Variants in ATRNL1 observed in about 807,000 individuals in gnomAD.
The protein encoded by ATRNL1 is attractin-like protein 1.
Under a neutral mutation model 182.7 loss-of-function variants are expected in ATRNL1, and 95 were observed. The observed-to-expected ratio is 0.52, with a 90% CI of 0.44 to 0.62. The LOEUF is 0.62. ATRNL1 is among the 20% of genes least tolerant of loss of function. ATRNL1 has a pLI of 0.00. For synonymous variants in ATRNL1, 576 were observed against 568.3 expected (o/e 1.01, Z -0.19); for missense variants, 1,471 against 1,679.5 (o/e 0.88, Z 2.17).
chr10:115,310,067 G>A (rs1012268191), intron 17 of ATRNL1, among the ~76,000 whole-genome samples: 1 of 152,032 alleles, frequency 6.6e-6, no homozygotes, highest in Admixed American at 6.6e-5. Flanking sequence ...ATAAAGATAT[G>A]CTGGATTTTA....
At chr10:115,364,753 C>G (rs1453223081) in intron 19 of ATRNL1, among the ~76,000 whole-genome samples, 10 of 151,802 alleles carry the variant, frequency 6.6e-5, no homozygotes, top group Admixed American at 6.6e-5. Flanking sequence ...TTGTCAAAGG[C>G]TTTTTCTGCA....
chr10:115,612,496 G>A (rs2133780353), intron 26 of ATRNL1, among the ~76,000 whole-genome samples: 1 of 152,312 alleles, frequency 6.6e-6, no homozygotes, highest in Non-Finnish European at 1.5e-5. Flanking sequence ...TAGCCAAGGA[G>A]TTTGAGACAA....
intron 8 of ATRNL1, among the ~76,000 whole-genome samples, chr10:115,207,429 C>G (rs1442663799): frequency 6.6e-6 from 1 of 152,098 alleles, no homozygotes; most frequent in East Asian, 1.9e-4. Context: ...TTGCACTTCT[C>G]TGATGACCAG....
intron 28 of ATRNL1, among the ~76,000 whole-genome samples, chr10:115,849,420 T>C (rs1264125488): frequency 3.3e-5 from 5 of 152,172 alleles, no homozygotes; most frequent in Non-Finnish European, 7.3e-5. Context: ...CTGTGTGATA[T>C]ACACCAAGGT....
chr10:115,850,357 T>G (rs1394027951), intron 28 of ATRNL1, among the ~76,000 whole-genome samples: 1 of 152,134 alleles, frequency 6.6e-6, no homozygotes, highest in Non-Finnish European at 1.5e-5. Context: ...AGAGAAAAAT[T>G]TTTCCAATAT....
intron 19 of ATRNL1, among the ~76,000 whole-genome samples, chr10:115,341,700 GGGT>G (rs1554938383): frequency 6.6e-6 from 1 of 151,958 alleles, no homozygotes; most frequent in African/African-American, 2.4e-5. Context: ...CTTCATTGTT[GGGT>G]GTATACATAT....
At chr10:115,218,959 G>T (rs1592275560) in intron 9 of ATRNL1, among the ~76,000 whole-genome samples, 1 of 152,108 alleles carries the variant, frequency 6.6e-6, no homozygotes, top group African/African-American at 2.4e-5. Context: ...ACATGCGGCC[G>T]GGTACAGTGG....
At chr10:115,936,793 G>A (rs1953574219) in intron 28 of ATRNL1, among the ~76,000 whole-genome samples, 1 of 152,056 alleles carries the variant, frequency 6.6e-6, no homozygotes, top group Admixed American at 6.6e-5. Context: ...GGATTGTCAA[G>A]TATCAGAATT....
chr10:115,189,677 TTA>T (rs1554889468), intron 8 of ATRNL1, among the ~76,000 whole-genome samples: 1 of 152,100 alleles, frequency 6.6e-6, no homozygotes, highest in Non-Finnish European at 1.5e-5. Context: ...GATCAAAAAG[TTA>T]AAAAATTAAA....
chr10:115,093,776 C>T lies in ATRNL1; in HGVS notation c.26C>T (p.Thr9Ile), dbSNP rs2143323517. The change falls in exon 1 of 29, where the codon ACT (threonine) becomes ATT (isoleucine). Residue 9 changes from threonine to isoleucine, a missense_variant. By Grantham distance (89) the Thr-to-Ile change is moderately conservative. This residue lies in a region of ATRNL1 where 1,031 missense variants were observed against 1,156.0 expected (regional missense o/e 0.89). Coordinates refer to ENST00000355044, the MANE Select transcript of ATRNL1 (RefSeq NM_207303.4). This position sits in a 1 kb window ranked among gnomAD's most constrained non-coding sequence, Gnocchi z 6.1. ...ATGGAGACTGGGGGCCGGGCCCGCA[C>T]TGGTACCCCGCAGCCAGCGGCCCCG... METGGRARTGTPQPAAPGV... is the reference protein window; with the variant it reads METGGRARIGTPQPAAPGV... The T allele has an allele frequency of 1.4e-6, 2 of 1,425,052 alleles. No homozygotes were observed. Among genetic ancestry groups the T allele is most frequent in the Non-Finnish European group, 1.8e-6 (2 of 1,096,744 alleles). The allele number at this position is 1,425,052 out of a possible 1,614,324, so 88.3% of individuals were successfully genotyped here.
intron 27 of ATRNL1, among the ~76,000 whole-genome samples, chr10:115,842,836 G>A (rs781781018): frequency 7.2e-5 from 11 of 151,906 alleles, no homozygotes; most frequent in Admixed American, 3.9e-4. Flanking sequence ...CAGTCTGACC[G>A]CTCTGAATTT....
chr10:115,114,626 C>T (rs1844399379), intron 1 of ATRNL1, among the ~76,000 whole-genome samples: 1 of 152,040 alleles, frequency 6.6e-6, no homozygotes, highest in African/African-American at 2.4e-5. Flanking sequence ...AAGGTCAAAA[C>T]ATATATGAAA....
At chr10:115,711,377 G>A (rs1555054492) in intron 26 of ATRNL1, among the ~76,000 whole-genome samples, 1 of 152,164 alleles carries the variant, frequency 6.6e-6, no homozygotes, top group Non-Finnish European at 1.5e-5. Context: ...AGGAAGAGAG[G>A]CAGATTCATC....
chr10:115,367,452 C>T (rs1554946336), intron 19 of ATRNL1, among the ~76,000 whole-genome samples: 2 of 147,142 alleles, frequency 1.4e-5, no homozygotes, highest in African/African-American at 5.0e-5. Context: ...AACTTCTTTG[C>T]CTTTGGTTTG....
intron 27 of ATRNL1, among the ~76,000 whole-genome samples, chr10:115,838,113 A>C (rs1202256294): frequency 2.0e-5 from 3 of 152,172 alleles, no homozygotes; most frequent in Non-Finnish European, 2.9e-5. Flanking sequence ...ACAAAAGTTC[A>C]ATAATTTATT....
intron 27 of ATRNL1, among the ~76,000 whole-genome samples, chr10:115,797,600 T>TA (rs35940243): frequency 0.48 from 72,602 of 150,862 alleles, 18,652 homozygotes; most frequent in East Asian, 0.76. Context: ...AAGACTCAGT[T>TA]AAAAAAAAAA....
chr10:115,338,200 G>T (rs1855582651), intron 19 of ATRNL1, among the ~76,000 whole-genome samples: 5 of 152,172 alleles, frequency 3.3e-5, no homozygotes, highest in Admixed American at 2.0e-4. Flanking sequence ...TGCAACGTAG[G>T]AGCGCAGGTA....
chr10:115,936,066 A>G (rs547113299), intron 28 of ATRNL1, among the ~76,000 whole-genome samples: 2 of 152,336 alleles, frequency 1.3e-5, no homozygotes, highest in Admixed American at 1.3e-4. Context: ...TTGTTTCCTT[A>G]CACGGCATTT....
chr10:115,498,955 T>C (rs1467686713), intron 24 of ATRNL1, among the ~76,000 whole-genome samples: 31 of 152,026 alleles, frequency 2.0e-4, no homozygotes, highest in Non-Finnish European at 5.9e-5. Flanking sequence ...ACAAAATGAG[T>C]ACCTTTGGTT....
Sources: allele counts gnomAD v4.1 joint callset (sites outside exome capture counted in the v4.1 genomes callset), GRCh38; gene constraint gnomAD v4.1.1; regional missense constraint gnomAD v4.1.1; non-coding constraint Gnocchi (gnomAD v3.1); transcripts MANE v1.5; gene names NCBI Gene and HGNC (gene_info 2026-07-23, HGNC 2026-07-21).